Variants in PSTPIP2 observed in about 807,000 individuals in gnomAD.
PSTPIP2 encodes the protein proline-serine-threonine phosphatase interacting protein 2.
In PSTPIP2, 33 loss-of-function variants were observed where a neutral mutation model predicts 63.3. The ratio of observed to expected loss-of-function variants is 0.52; its 90% CI spans 0.40 to 0.70. The LOEUF (loss-of-function observed/expected upper bound fraction) is 0.70. Ranked by LOEUF, PSTPIP2 falls within the 30% of genes least tolerant of loss-of-function variation. PSTPIP2 has a pLI of 0.00. For synonymous variants in PSTPIP2, 125 were observed against 132.7 expected (o/e 0.94, Z 0.40); for missense variants, 312 against 400.7 (o/e 0.78, Z 1.89).
At chr18:46,049,056 G>GA (rs1568229055) in intron 1 of PSTPIP2, among the ~76,000 whole-genome samples, 9 of 138,950 alleles carry the variant, frequency 6.5e-5, no homozygotes, top group Non-Finnish European at 1.2e-4. Flanking sequence ...GTGTGTGTGT[G>GA]GAGAGAGAGA....
In PSTPIP2 at chr18:45,985,620, C is replaced by T. The variant is rs113148940; in HGVS notation, c.*9-170G>A. On this transcript the variant is annotated intron_variant, in intron 14 of 14. Coordinates refer to ENST00000409746, the MANE Select transcript of PSTPIP2 (RefSeq NM_024430.4). ...ATGGAATGTGACGATAACAGCATTGCTTTATGGTAAATAATACATACATTT... is the reference window on the plus strand; with the variant it reads ...ATGGAATGTGACGATAACAGCATTGTTTTATGGTAAATAATACATACATTT... Among the ~76,000 whole-genome samples, 135 of 152,214 alleles carry T rather than the reference C, an allele frequency of 8.9e-4. 1 individual carries two copies. Among genetic ancestry groups the T allele is most frequent in the Middle Eastern group, 6.8e-3 (2 of 294 alleles).
chr18:45,989,354 T>C (rs181371690), intron 13 of PSTPIP2, among the ~76,000 whole-genome samples: 2 of 152,296 alleles, frequency 1.3e-5, no homozygotes, highest in East Asian at 3.9e-4. Context: ...CGAGATCTGA[T>C]GGTTTTATCA....
intron 1 of PSTPIP2, among the ~76,000 whole-genome samples, chr18:46,058,862 T>C (rs1599747833): frequency 6.6e-6 from 1 of 152,104 alleles, no homozygotes; most frequent in African/African-American, 2.4e-5. Flanking sequence ...CACAGGCAGG[T>C]GGCCAGGACC....
rs1437938953 is a variant in PSTPIP2 at position 45,998,959 on chromosome 18, C to A, written c.517-120G>T. ...GAAGAGACCAGGTCTAGTGCAAGTC[C>A]TGTGTACATTTCCCTCATGAGCAAA... is the stretch of plus-strand genomic sequence containing the variant. On this transcript the variant is annotated intron_variant, in intron 7 of 14. Coordinates refer to ENST00000409746, the MANE Select transcript of PSTPIP2 (RefSeq NM_024430.4). 4.0e-6 allele frequency: 4 copies of A among 1,000,612 alleles called. No individual in the cohort carries two copies. The Admixed American group carries it at 6.4e-5, about 16-fold the overall frequency. 62.0% of individuals were successfully genotyped at this position (1,000,612 alleles called of 1,614,324 possible).
At chr18:45,986,260 A>G (rs1483463341) in intron 14 of PSTPIP2, among the ~76,000 whole-genome samples, 2 of 152,186 alleles carry the variant, frequency 1.3e-5, no homozygotes, top group African/African-American at 4.8e-5. Context: ...AAATTGATGT[A>G]TATGTTGAAC....
intron 2 of PSTPIP2, among the ~76,000 whole-genome samples, chr18:46,036,751 T>A (rs1907994588): frequency 6.6e-6 from 1 of 152,054 alleles, no homozygotes; most frequent in South Asian, 2.1e-4. Flanking sequence ...CATGGAGGGG[T>A]GCAGTGCTGG....
chr18:46,068,329 G>A (rs748536272), intron 1 of PSTPIP2, among the ~76,000 whole-genome samples: 12 of 152,006 alleles, frequency 7.9e-5, no homozygotes, highest in South Asian at 4.2e-4. Context: ...ACAGATTCTC[G>A]CTCTGTCGCC....
At chr18:45,988,021 A>G (rs750919287) in intron 14 of PSTPIP2, among the ~76,000 whole-genome samples, 8 of 152,160 alleles carry the variant, frequency 5.3e-5, no homozygotes, top group Admixed American at 2.0e-4. Context: ...CCTCTTTTAG[A>G]TGGTGGGAGA....
intron 9 of PSTPIP2, among the ~76,000 whole-genome samples, chr18:45,994,649 T>A (rs591027): frequency 0.69 from 104,732 of 152,026 alleles, 37,518 homozygotes; most frequent in African/African-American, 0.89. Flanking sequence ...CATATACAAG[T>A]GTAGAGAGGT....
chr18:46,057,462 G>C (rs1462162575), intron 1 of PSTPIP2, among the ~76,000 whole-genome samples: 1 of 151,610 alleles, frequency 6.6e-6, no homozygotes, highest in Non-Finnish European at 1.5e-5. Context: ...AGAGTAGCTA[G>C]GATTACAGGC....
At chr18:46,033,601 G>C (rs1369207619) in intron 2 of PSTPIP2, among the ~76,000 whole-genome samples, 3 of 151,820 alleles carry the variant, frequency 2.0e-5, no homozygotes. Flanking sequence ...AGGAGGCTGA[G>C]GCAGGAGAAT....
chr18:46,036,099 TATTAATTA>T lies in PSTPIP2; in HGVS notation c.134+3840_134+3847del, dbSNP rs572546494. ...TTATTTAATTATTATATATTATCTG[TATTAATTA>T]ATTTAATTAATATCATTTTATTTAA... On this transcript the variant is annotated intron_variant, in intron 2 of 14. Transcript: ENST00000409746. 4.5e-3 allele frequency among the ~76,000 whole-genome samples: 672 copies of T among 148,958 alleles called. 9 individuals are homozygous for T. Among genetic ancestry groups the T allele is most frequent in the Admixed American group, 0.028 (411 of 14,886 alleles).
chr18:46,022,836 A>T (rs1206042018), intron 3 of PSTPIP2, among the ~76,000 whole-genome samples: 1 of 152,190 alleles, frequency 6.6e-6, no homozygotes, highest in Non-Finnish European at 1.5e-5. Flanking sequence ...ACAATTATGA[A>T]ATGATGCAAG....
chr18:46,068,624 T>G (rs1286699458), intron 1 of PSTPIP2, among the ~76,000 whole-genome samples: 1 of 151,542 alleles, frequency 6.6e-6, no homozygotes, highest in African/African-American at 2.4e-5. Context: ...CCCAGCACTT[T>G]GGGAGGCCAA....
intron 9 of PSTPIP2, among the ~76,000 whole-genome samples, chr18:45,996,626 A>G (rs909029228): frequency 7.0e-6 from 1 of 143,128 alleles, no homozygotes; most frequent in Admixed American, 7.0e-5. Context: ...TGAGGAGAGT[A>G]AAAAAAAAAA....
chr18:46,015,852 C>T (rs1235579416), intron 4 of PSTPIP2, 51 bp downstream of exon 4: 2 of 1,566,246 alleles, frequency 1.3e-6, no homozygotes, highest in Middle Eastern at 1.7e-4. Context: ...ACGACAGACA[C>T]AGGGCTTGTC....
rs558633082 is a variant in PSTPIP2 at position 46,027,392 on chromosome 18, C to T, written c.135-2706G>A. 6.0e-5 allele frequency among the ~76,000 whole-genome samples: 9 copies of T among 151,080 alleles called. No individual in the cohort carries two copies. The South Asian group carries it at 1.7e-3, about 28-fold the overall frequency. ...AAGAATAAGACCATATGCCACATGCCTTTTAAAAATAGCTTGGACTGGTGT... is the reference window on the plus strand; with the variant it reads ...AAGAATAAGACCATATGCCACATGCTTTTTAAAAATAGCTTGGACTGGTGT... On this transcript the variant is annotated intron_variant, in intron 2 of 14. Coordinates refer to ENST00000409746, the MANE Select transcript of PSTPIP2 (RefSeq NM_024430.4).
Position 46,071,618 on chromosome 18 carries a change from A to G in PSTPIP2, c.33+538T>C, listed in dbSNP as rs115953916. ...AAGCTCCAGCAAAGGGAAGCCCTCT[A>G]TGCTGTACGTTTCCTGGAAAGGACG... On this transcript the variant is annotated intron_variant, in intron 1 of 14. Coordinates refer to ENST00000409746, the MANE Select transcript of PSTPIP2 (RefSeq NM_024430.4). 6.8e-3 allele frequency among the ~76,000 whole-genome samples: 1,037 copies of G among 152,232 alleles called. 7 individuals are homozygous for G. The highest frequency in any genetic ancestry group is 0.023 in the African/African-American group (970 of 41,556).
chr18:46,008,109 A>G (rs532295399), intron 5 of PSTPIP2, among the ~76,000 whole-genome samples: 17 of 152,258 alleles, frequency 1.1e-4, no homozygotes, highest in African/African-American at 3.6e-4. Flanking sequence ...ACCAAATCCA[A>G]TGGAAATGTG....
Sources: gnomAD v4.1 joint callset for allele counts (sites outside exome capture counted in the v4.1 genomes callset) on GRCh38, gnomAD v4.1.1 for gene constraint, MANE v1.5 for transcripts, NCBI Gene and HGNC (gene_info 2026-07-23, HGNC 2026-07-21) for gene names.